Variants in AMBRA1 observed in about 807,000 individuals in gnomAD.
The protein encoded by AMBRA1 is activating molecule in BECN1-regulated autophagy protein 1.
In AMBRA1, 47 loss-of-function variants were observed where a neutral mutation model predicts 125.4. The ratio of observed to expected loss-of-function variants is 0.37; its 90% confidence interval spans 0.30 to 0.48. The LOEUF (loss-of-function observed/expected upper bound fraction) is 0.48, where lower values mean the gene tolerates loss of function less well. AMBRA1 is among the 20% of genes least tolerant of loss of function. AMBRA1 has a pLI of 0.99. For missense variants in AMBRA1, 1,331 were observed against 1,693.4 expected (o/e 0.79, Z 3.76); for synonymous variants, 626 against 655.5 (o/e 0.95, Z 0.69).
chr11:46,427,351 C>T (rs1947192277), intron 14 of AMBRA1, among the ~76,000 whole-genome samples: 2 of 152,172 alleles, frequency 1.3e-5, no homozygotes, highest in Non-Finnish European at 2.9e-5. Context: ...TCATTAGTCT[C>T]TGTAAGGATG....
chr11:46,528,631 G>T (rs1299482626), intron 7 of AMBRA1, among the ~76,000 whole-genome samples: 1 of 152,198 alleles, frequency 6.6e-6, no homozygotes, highest in Non-Finnish European at 1.5e-5. Flanking sequence ...GGGCTTGTGG[G>T]AGGGTGAAAA....
chr11:46,513,480 A>G (rs1026039903), intron 7 of AMBRA1, among the ~76,000 whole-genome samples: 1 of 152,174 alleles, frequency 6.6e-6, no homozygotes, highest in Non-Finnish European at 1.5e-5. Flanking sequence ...GGTAATACTG[A>G]GCACTTCATA....
intron 11 of AMBRA1, among the ~76,000 whole-genome samples, chr11:46,484,851 T>C (rs1950209549): frequency 6.6e-6 from 1 of 151,550 alleles, no homozygotes; most frequent in Non-Finnish European, 1.5e-5. Flanking sequence ...TTCACCGTGT[T>C]AGCCAGGATG....
At chr11:46,588,437 C>T (rs946960159) in intron 1 of AMBRA1, among the ~76,000 whole-genome samples, 1 of 152,048 alleles carries the variant, frequency 6.6e-6, no homozygotes, top group Non-Finnish European at 1.5e-5. Context: ...GTACTTTATC[C>T]TTTTAAAGCA....
intron 12 of AMBRA1, among the ~76,000 whole-genome samples, chr11:46,436,830 C>T (rs1947744016): frequency 6.6e-6 from 1 of 152,130 alleles, no homozygotes; most frequent in African/African-American, 2.4e-5. Context: ...ACAATTTACA[C>T]TCTAACCACC....
chr11:46,567,164 C>T (rs1018490113), intron 1 of AMBRA1, among the ~76,000 whole-genome samples: 3 of 152,100 alleles, frequency 2.0e-5, no homozygotes, highest in Admixed American at 6.5e-5. Context: ...CTCCGCTTTC[C>T]GGATTCAAGC....
chr11:46,397,857 C>T lies in AMBRA1; in HGVS notation c.3490G>A (p.Val1164Met). 6.2e-7 allele frequency: 1 copy of T among 1,601,122 alleles called. No individual in the cohort carries two copies. The highest frequency in any genetic ancestry group is 8.5e-7 in the Non-Finnish European group (1 of 1,179,952). The change falls in exon 18 of 18, where the codon GTG (valine) becomes ATG (methionine). Residue 1164 changes from valine (V) to methionine (M), a missense_variant. Val to Met is a conservative substitution (Grantham distance 21, BLOSUM62 1). This residue lies in a region of AMBRA1 where 354 missense variants were observed against 532.7 expected (regional missense o/e 0.66). Coordinates refer to ENST00000683756, the MANE Select transcript of AMBRA1 (RefSeq NM_001387011.1). ...LMAEGGMTAV[V>M]QREQSTTMAS... Reference sequence around the variant, plus strand: ...ATGGTGGTGCTCTGCTCCCGCTGCACCACGGCTGTCATGCCGCCCTCCGCC... The same window carrying T: ...ATGGTGGTGCTCTGCTCCCGCTGCATCACGGCTGTCATGCCGCCCTCCGCC...
rs879679081 is a variant in AMBRA1 at position 46,424,248 on chromosome 11, CT to C, written c.2977-6197del. Among the ~76,000 whole-genome samples, 616 of 144,294 alleles carry C rather than the reference CT, an allele frequency of 4.3e-3. 1 individual carries two copies. Among genetic ancestry groups the C allele is most frequent in the Admixed American group, 9.7e-3 (140 of 14,464 alleles). The allele number at this position is 144,294 out of a possible 152,430, so 94.7% of individuals were successfully genotyped here. On this transcript the variant is annotated intron_variant, in intron 14 of 17. Transcript: ENST00000683756. ...AAAAAAAGGGCAAACAGCAAACAGCCTTTTTTTTTTTTTAATTTGTTCAAAT... is the reference window on the plus strand; with the variant it reads ...AAAAAAAGGGCAAACAGCAAACAGCCTTTTTTTTTTTTAATTTGTTCAAAT...
rs538514202 is a variant in AMBRA1 at position 46,480,559 on chromosome 11, CA to C, written c.2521+13048del. Among the ~76,000 whole-genome samples the C allele has an allele frequency of 8.5e-5, 13 of 152,304 alleles. No homozygotes were observed. The South Asian group carries it at 2.1e-3, about 24-fold the overall frequency. On this transcript the variant is annotated intron_variant, in intron 11 of 17. Transcript: ENST00000683756. ...CGTCTTTTCCTTCTTTGCTCTAGATCAACATGTGTACCTTAAAAGCAACTGG... is the reference window on the plus strand; with the variant it reads ...CGTCTTTTCCTTCTTTGCTCTAGATCACATGTGTACCTTAAAAGCAACTGG...
intron 4 of AMBRA1, 159 bp downstream of exon 4, chr11:46,546,954 C>A: frequency 1.6e-6 from 1 of 629,958 alleles, no homozygotes; most frequent in Non-Finnish European, 2.6e-6. Flanking sequence ...GCCTGTAATC[C>A]CAGCTACTTG....
intron 11 of AMBRA1, among the ~76,000 whole-genome samples, chr11:46,459,184 C>G (rs1948986875): frequency 6.6e-6 from 1 of 152,008 alleles, no homozygotes; most frequent in Admixed American, 6.6e-5. Flanking sequence ...TGATTCCATC[C>G]CCACTACAAA....
chr11:46,410,764 G>A (rs1484694403), intron 15 of AMBRA1, among the ~76,000 whole-genome samples: 1 of 152,228 alleles, frequency 6.6e-6, no homozygotes, highest in Non-Finnish European at 1.5e-5. Context: ...GAGAGATACA[G>A]AGCCATGGAC....
chr11:46,401,974 C>T (rs1945784369), intron 17 of AMBRA1, among the ~76,000 whole-genome samples: 1 of 152,328 alleles, frequency 6.6e-6, no homozygotes, highest in Non-Finnish European at 1.5e-5. Context: ...CCCCCACATT[C>T]CTGCAGGTAC....
chr11:46,433,436 A>T (rs1240023289), intron 14 of AMBRA1, 38 bp downstream of exon 14: 3 of 1,604,258 alleles, frequency 1.9e-6, no homozygotes, highest in Non-Finnish European at 2.6e-6. Context: ...AGCCTAGGGG[A>T]GCTGCCATAC....
chr11:46,434,783 C>T, intron 13 of AMBRA1, 66 bp downstream of exon 13: 1 of 1,490,152 alleles, frequency 6.7e-7, no homozygotes, highest in South Asian at 1.4e-5. Context: ...CTGTGCCTCA[C>T]CTAGCAATGA....
chr11:46,570,972 A>G (rs964136707), intron 1 of AMBRA1, among the ~76,000 whole-genome samples: 1 of 152,218 alleles, frequency 6.6e-6, no homozygotes, highest in African/African-American at 2.4e-5. Context: ...GGAGACTACA[A>G]CTGCAATATA....
intron 9 of AMBRA1, among the ~76,000 whole-genome samples, chr11:46,503,309 GC>G (rs1215240131): frequency 2.0e-5 from 3 of 152,092 alleles, no homozygotes; most frequent in Non-Finnish European, 4.4e-5. Flanking sequence ...GAATAGGAAG[GC>G]CCAAGAAGAG....
At chr11:46,534,468 C>T (rs891722587) in intron 7 of AMBRA1, among the ~76,000 whole-genome samples, 5 of 152,210 alleles carry the variant, frequency 3.3e-5, no homozygotes, top group African/African-American at 1.2e-4. Context: ...GCACTCCAGC[C>T]TGGGCAAGAA....
At chr11:46,565,268 C>A (rs1430050518) in intron 1 of AMBRA1, among the ~76,000 whole-genome samples, 1 of 150,630 alleles carries the variant, frequency 6.6e-6, no homozygotes, top group African/African-American at 2.4e-5. Flanking sequence ...AAAAAAAAAA[C>A]GAAAAGGAAA....
Sources: gnomAD v4.1 joint callset for allele counts (sites outside exome capture counted in the v4.1 genomes callset) on GRCh38, gnomAD v4.1.1 for gene constraint, gnomAD v4.1.1 regional missense constraint, MANE v1.5 for transcripts, NCBI Gene and HGNC (gene_info 2026-07-23, HGNC 2026-07-21) for gene names.